Variants in GAREM1 observed in about 807,000 individuals in gnomAD.
GAREM1 encodes GRB2 associated regulator of MAPK1 subtype 1, also known as GRB2-associated and regulator of MAPK protein 1.
In GAREM1, 26 loss-of-function variants were observed where a neutral mutation model predicts 71.3. The ratio of observed to expected loss-of-function variants is 0.36; its 90% CI spans 0.27 to 0.51. GAREM1 has a LOEUF of 0.51. Among genes scored for constraint, GAREM1 ranks in the 20% least tolerant of loss-of-function variants. GAREM1 has a pLI of 0.95. For synonymous variants in GAREM1, 440 were observed against 433.2 expected (o/e 1.02, Z -0.20); for missense variants, 1,026 against 1,103.1 (o/e 0.93, Z 0.99).
chr18:32,278,107 C>G (rs2041566186), intron 4 of GAREM1, among the ~76,000 whole-genome samples: 1 of 152,140 alleles, frequency 6.6e-6, no homozygotes, highest in Non-Finnish European at 1.5e-5. Context: ...CATGCAGTCA[C>G]TAACAGGACC....
chr18:32,424,987 G>C (rs1182372086), intron 1 of GAREM1, among the ~76,000 whole-genome samples: 1 of 152,070 alleles, frequency 6.6e-6, no homozygotes, highest in Non-Finnish European at 1.5e-5. Flanking sequence ...TAAGGCCCAA[G>C]AAAAAGGCAC....
intron 4 of GAREM1, among the ~76,000 whole-genome samples, chr18:32,284,365 AT>A (rs889069534): frequency 1.2e-3 from 180 of 151,986 alleles, no homozygotes; most frequent in Admixed American, 3.5e-3. Context: ...TGGAGGCCAA[AT>A]TTTTTTTTCT....
chr18:32,397,627 A>G (rs1370876722), intron 1 of GAREM1, among the ~76,000 whole-genome samples: 1 of 152,346 alleles, frequency 6.6e-6, no homozygotes, highest in Non-Finnish European at 1.5e-5. Flanking sequence ...TATGCACCCA[A>G]TACAGGAGCA....
At chr18:32,368,145 C>T (rs1025734097) in intron 2 of GAREM1, among the ~76,000 whole-genome samples, 29 of 151,872 alleles carry the variant, frequency 1.9e-4, no homozygotes, top group African/African-American at 7.0e-4. Context: ...CTTTCGTTCC[C>T]TCCTCCCCTC....
intron 2 of GAREM1, among the ~76,000 whole-genome samples, chr18:32,330,337 C>T (rs914177359): frequency 1.3e-5 from 2 of 152,002 alleles, no homozygotes; most frequent in African/African-American, 4.8e-5. Flanking sequence ...TGGCAGCAAT[C>T]GACACTGGGG....
chr18:32,296,392 T>C (rs2047140109), intron 3 of GAREM1, among the ~76,000 whole-genome samples: 1 of 152,220 alleles, frequency 6.6e-6, no homozygotes, highest in South Asian at 2.1e-4. Flanking sequence ...AACTAAGAAA[T>C]TCACATTAGT....
rs1192768830 is a variant in GAREM1 at position 32,287,955 on chromosome 18, C to T, written c.642G>A (p.Gln214=). ...RTNESISLPF[Q]CKGRFSTRSP... is the part of the protein sequence containing the mutation. ...TTCGGGTGCTAAATCTGCCCTTGCA[C>T]TGGAATGGAAGGCTAATGCTTTCGT... Residue 214 remains glutamine, a synonymous_variant, in exon 4 of 6, where the codon CAG becomes CAA. Coordinates refer to ENST00000269209, the MANE Select transcript of GAREM1 (RefSeq NM_001242409.2). This position sits in a 1 kb window ranked among gnomAD's most constrained non-coding sequence, Gnocchi z 5.9. 12 of 1,614,110 alleles carry T rather than the reference C, an allele frequency of 7.4e-6. No homozygotes were observed. Among genetic ancestry groups the T allele is most frequent in the Non-Finnish European group, 1.0e-5 (12 of 1,180,026 alleles).
intron 2 of GAREM1, among the ~76,000 whole-genome samples, chr18:32,321,896 T>C (rs542408608): frequency 1.1e-4 from 17 of 152,264 alleles, no homozygotes; most frequent in Admixed American, 2.0e-4. Context: ...CATATTTCAA[T>C]TTAGGATAAT....
chr18:32,414,155 A>G (rs1366757620), intron 1 of GAREM1, among the ~76,000 whole-genome samples: 1 of 152,192 alleles, frequency 6.6e-6, no homozygotes, highest in Admixed American at 6.5e-5. Flanking sequence ...TTTAAATTAC[A>G]TTAAATTGGA....
intron 2 of GAREM1, among the ~76,000 whole-genome samples, chr18:32,359,196 TAAA>T (rs1285773123): frequency 2.0e-5 from 3 of 152,212 alleles, no homozygotes; most frequent in African/African-American, 7.2e-5. Flanking sequence ...TTATAATTAA[TAAA>T]AGAAAACCAG....
intron 1 of GAREM1, among the ~76,000 whole-genome samples, chr18:32,394,004 T>G (rs1446617916): frequency 6.6e-6 from 1 of 152,232 alleles, no homozygotes; most frequent in Non-Finnish European, 1.5e-5. Flanking sequence ...TCTCAAAAAT[T>G]CTTAAAAATT....
At chr18:32,335,967 G>A (rs1321100130) in intron 2 of GAREM1, among the ~76,000 whole-genome samples, 1 of 152,140 alleles carries the variant, frequency 6.6e-6, no homozygotes, top group Non-Finnish European at 1.5e-5. Context: ...AGCAGCGAAC[G>A]CTGACACTAC....
At chr18:32,468,132 T>G (rs538850624) in intron 1 of GAREM1, among the ~76,000 whole-genome samples, 19 of 152,324 alleles carry the variant, frequency 1.2e-4, no homozygotes, top group Middle Eastern at 6.8e-3. Context: ...ACAATGTGTA[T>G]CAAGGATTTT....
rs2041408398 is a variant in GAREM1, at chr18:32,268,457, C to A, written c.2045G>T (p.Ser682Ile). 1 of 1,614,126 alleles carries A rather than the reference C, an allele frequency of 6.2e-7. No homozygotes were observed. Among genetic ancestry groups the A allele is most frequent in the East Asian group, 2.2e-5 (1 of 44,886 alleles). Residue 682 changes from serine to isoleucine, a missense_variant, in exon 6 of 6, where the codon AGC (serine) becomes ATC (isoleucine). Ser to Ile is a moderately radical substitution (Grantham distance 142, BLOSUM62 -2). Coordinates refer to ENST00000269209, the MANE Select transcript of GAREM1 (RefSeq NM_001242409.2). ...GCTACTGAATTCTGCAGTGACTGGGCTAGTGGGGCTGGCCAGGAGCTCACA... is the reference window on the plus strand; with the variant it reads ...GCTACTGAATTCTGCAGTGACTGGGATAGTGGGGCTGGCCAGGAGCTCACA... Reference protein sequence around the residue: ...DGCELLASPTSPVTAEFSSSV... With the variant: ...DGCELLASPTIPVTAEFSSSV...
At chr18:32,453,812 G>C (rs530380306) in intron 1 of GAREM1, among the ~76,000 whole-genome samples, 139 of 152,112 alleles carry the variant, frequency 9.1e-4, no homozygotes, top group Non-Finnish European at 1.5e-3. Flanking sequence ...ATGCCTGTGT[G>C]CATGTGTGTT....
chr18:32,382,204 C>G (rs974471419), intron 2 of GAREM1, among the ~76,000 whole-genome samples: 4 of 152,046 alleles, frequency 2.6e-5, no homozygotes, highest in African/African-American at 9.7e-5. Context: ...CCTCAAGGAG[C>G]CTTTAGTGGT....
chr18:32,345,033 G>T (rs563166424), intron 2 of GAREM1, among the ~76,000 whole-genome samples: 1 of 152,172 alleles, frequency 6.6e-6, no homozygotes, highest in Non-Finnish European at 1.5e-5. Context: ...CGGCACTCCA[G>T]CCTGGGCGAA....
At chr18:32,468,739 GCT>G (rs1390506003) in intron 1 of GAREM1, among the ~76,000 whole-genome samples, 1 of 152,184 alleles carries the variant, frequency 6.6e-6, no homozygotes, top group Admixed American at 6.5e-5. Context: ...ATGCAGCAAT[GCT>G]CTCTGCCTAG....
intron 1 of GAREM1, among the ~76,000 whole-genome samples, chr18:32,426,143 C>A (rs1374932478): frequency 6.6e-6 from 1 of 152,104 alleles, no homozygotes; most frequent in Non-Finnish European, 1.5e-5. Flanking sequence ...CTCAGCCTCC[C>A]GAGTAGCTGG....
Sources: allele counts gnomAD v4.1 joint callset (sites outside exome capture counted in the v4.1 genomes callset), GRCh38; gene constraint gnomAD v4.1.1; non-coding constraint Gnocchi (gnomAD v3.1); transcripts MANE v1.5; gene names NCBI Gene and HGNC (gene_info 2026-07-23, HGNC 2026-07-21).